The following IQCM variants were observed in gnomAD, a reference collection of about 807,000 sequenced individuals.
IQCM encodes the protein IQ domain-containing protein M.
A neutral mutation model predicts 57.6 loss-of-function variants in IQCM; 45 were observed. The observed-to-expected ratio is 0.78, with a 90% CI of 0.62 to 1.00. IQCM has a LOEUF of 1.00. IQCM is among the 50% of genes least tolerant of loss of function. IQCM has a pLI of 0.00. For missense variants in IQCM, 468 were observed against 511.6 expected (o/e 0.91, Z 0.82); for synonymous variants, 148 against 158.9 (o/e 0.93, Z 0.51).
intron 9 of IQCM, among the ~76,000 whole-genome samples, chr4:149,581,360 C>T (rs1032824): frequency 1 from 151,421 of 151,434 alleles, 75,704 homozygotes; most frequent in Non-Finnish European, 1. Flanking sequence ...CTTGAAGATG[C>T]TAGGTGTCTT....
intron 13 of IQCM, among the ~76,000 whole-genome samples, chr4:149,372,542 T>C (rs1346170273): frequency 6.6e-6 from 1 of 152,010 alleles, no homozygotes; most frequent in Admixed American, 6.6e-5. Context: ...TTCAGAAGGT[T>C]TAAGAACAAG....
intron 13 of IQCM, among the ~76,000 whole-genome samples, chr4:149,407,234 G>A (rs1224006921): frequency 1.3e-5 from 2 of 152,144 alleles, no homozygotes; most frequent in Non-Finnish European, 1.5e-5. Context: ...TTTGGGTCCA[G>A]CTAAACCATA....
intron 8 of IQCM, among the ~76,000 whole-genome samples, chr4:149,610,083 A>T (rs1174131463): frequency 2.0e-5 from 3 of 151,956 alleles, no homozygotes; most frequent in Non-Finnish European, 4.4e-5. Flanking sequence ...TTTATATGCC[A>T]ACTGCAAACA....
At chr4:149,571,390 A>G (rs973821569) in intron 9 of IQCM, among the ~76,000 whole-genome samples, 1 of 152,142 alleles carries the variant, frequency 6.6e-6, no homozygotes, top group Non-Finnish European at 1.5e-5. Flanking sequence ...TATGCCAGAT[A>G]CAGAAAGGCA....
intron 5 of IQCM, among the ~76,000 whole-genome samples, chr4:149,696,320 T>G (rs928361515): frequency 2.0e-5 from 3 of 152,202 alleles, no homozygotes; most frequent in Non-Finnish European, 4.4e-5. Flanking sequence ...AAATTTCTCC[T>G]AGATTTCCTC....
intron 5 of IQCM, among the ~76,000 whole-genome samples, chr4:149,705,217 A>G (rs1476593138): frequency 2.0e-5 from 3 of 147,060 alleles, no homozygotes; most frequent in African/African-American, 7.4e-5. Context: ...TATAAAAAGA[A>G]ACATATATAT....
At chr4:149,481,541 T>C (rs1419271682) in intron 12 of IQCM, among the ~76,000 whole-genome samples, 1 of 151,784 alleles carries the variant, frequency 6.6e-6, no homozygotes, top group Non-Finnish European at 1.5e-5. Context: ...GTTCTTGGCT[T>C]GTCAAAAATG....
intron 8 of IQCM, among the ~76,000 whole-genome samples, chr4:149,615,935 T>G (rs528826315): frequency 7.9e-5 from 12 of 152,192 alleles, no homozygotes; most frequent in Non-Finnish European, 1.5e-4. Flanking sequence ...TCATATCCAT[T>G]AGGATGTGAA....
At chr4:149,775,551 A>C (rs910689036) in intron 2 of IQCM, among the ~76,000 whole-genome samples, 1 of 151,994 alleles carries the variant, frequency 6.6e-6, no homozygotes, top group African/African-American at 2.4e-5. Context: ...TTGTCAACAC[A>C]GGTCATAAAC....
chr4:149,486,682 GTTGCAGTGAGCCAAGA>G (rs1741557606), intron 12 of IQCM, among the ~76,000 whole-genome samples: 1 of 152,170 alleles, frequency 6.6e-6, no homozygotes, highest in Non-Finnish European at 1.5e-5. Context: ...GGAGGTGGAG[GTTGCAGTGAGCCAAGA>G]TTGCACCACT....
At chr4:149,723,843 G>T (rs1447477837) in intron 5 of IQCM, among the ~76,000 whole-genome samples, 1 of 151,790 alleles carries the variant, frequency 6.6e-6, no homozygotes, top group Non-Finnish European at 1.5e-5. Flanking sequence ...TGATATTTTG[G>T]AATAGTTTCA....
intron 2 of IQCM, among the ~76,000 whole-genome samples, chr4:149,759,268 G>A (rs1395646246): frequency 1.3e-5 from 2 of 152,184 alleles, no homozygotes; most frequent in East Asian, 3.9e-4. Context: ...GGGAAGGGGA[G>A]AGATGAATTA....
At chr4:149,636,852 T>C (rs983690243) in intron 7 of IQCM, among the ~76,000 whole-genome samples, 2 of 151,914 alleles carry the variant, frequency 1.3e-5, no homozygotes, top group African/African-American at 2.4e-5. Flanking sequence ...AACTAGAAAG[T>C]GAATTTAGCG....
intron 12 of IQCM, among the ~76,000 whole-genome samples, chr4:149,444,309 T>C (rs1029587871): frequency 2.0e-5 from 3 of 151,978 alleles, no homozygotes; most frequent in Non-Finnish European, 2.9e-5. Flanking sequence ...AGCTGATTTC[T>C]AGATCAAAGT....
intron 12 of IQCM, among the ~76,000 whole-genome samples, chr4:149,443,154 G>A (rs1279010208): frequency 2.0e-5 from 3 of 152,134 alleles, no homozygotes; most frequent in Admixed American, 6.6e-5. Context: ...CCTCAGTTCT[G>A]TTTTAAAGCC....
intron 12 of IQCM, among the ~76,000 whole-genome samples, chr4:149,480,160 T>A (rs184586094): frequency 8.6e-4 from 131 of 152,294 alleles, no homozygotes; most frequent in Middle Eastern, 3.4e-3. Context: ...ATTGTGCATT[T>A]TTTTTAGTTT....
At chr4:149,371,995 A>G (rs1248792830) in intron 13 of IQCM, among the ~76,000 whole-genome samples, 1 of 152,210 alleles carries the variant, frequency 6.6e-6, no homozygotes, top group Non-Finnish European at 1.5e-5. Flanking sequence ...CAATAGTTAA[A>G]AACAATATCT....
At chr4:149,720,204 AT>A (rs888172098) in intron 5 of IQCM, among the ~76,000 whole-genome samples, 105 of 152,210 alleles carry the variant, frequency 6.9e-4, no homozygotes, top group Non-Finnish European at 1.2e-3. Flanking sequence ...CTATTCTAAG[AT>A]TTTTTTTATT....
chr4:149,786,421 T>C (rs1772085601), intron 2 of IQCM, among the ~76,000 whole-genome samples: 1 of 151,982 alleles, frequency 6.6e-6, no homozygotes, highest in African/African-American at 2.4e-5. Context: ...GGAAGGAAAC[T>C]ACCCAAGACC....
Sources: gnomAD v4.1 joint callset for allele counts (sites outside exome capture counted in the v4.1 genomes callset) on GRCh38, gnomAD v4.1.1 for gene constraint, MANE v1.5 for transcripts, NCBI Gene and HGNC (gene_info 2026-07-23, HGNC 2026-07-21) for gene names.